CEP78: variants seen among roughly 807,000 people sequenced by gnomAD.
CEP78 encodes centrosomal protein of 78 kDa.
Under a neutral mutation model 81.2 loss-of-function variants are expected in CEP78, and 76 were observed. That is an observed-to-expected ratio of 0.94 (90% CI 0.78 to 1.13). The LOEUF (loss-of-function observed/expected upper bound fraction) is 1.13, where lower values mean the gene tolerates loss of function less well. CEP78 is among the 50% of genes most tolerant of loss of function. CEP78 has a pLI of 0.00. For missense variants in CEP78, 918 were observed against 846.8 expected (o/e 1.08, Z -1.04); for synonymous variants, 293 against 301.4 (o/e 0.97, Z 0.29).
rs968057318 is a variant in CEP78 at position 78,275,281 on chromosome 9, G to A, written c.*4430G>A. ...AATGTAAATAAACGAAACATCTTAG[G>A]AGAAATTGAAAAAATAGGACAAGAA... is the stretch of plus-strand genomic sequence containing the variant. On this transcript the variant is annotated 3_prime_UTR_variant, in exon 17 of 17. Transcript: ENST00000643273. The A allele has an allele frequency of 6.6e-5, 10 of 152,042 alleles. No homozygotes were observed. The highest frequency in any genetic ancestry group is 1.5e-4 in the Non-Finnish European group (10 of 68,016). 9.4% of individuals were successfully genotyped at this position (152,042 alleles called of 1,614,324 possible).
At position 78,243,605 on chromosome 9, in the gene CEP78, A is replaced by G. The variant is rs961163712; in HGVS notation, c.747A>G (p.Ala249=). The stretch of plus-strand genomic sequence containing the variant: ...GTGACCTAGGTGCATGTGCTTTTGC[A>G]GACTCTCTCAGTGAGGATTTATGGC... ...LIGDLGACAF[A]DSLSEDLWLR... is the part of the protein sequence containing the mutation. Residue 249 remains alanine, a synonymous_variant, in exon 5 of 17, where the codon GCA becomes GCG. Coordinates refer to ENST00000643273, the MANE Select transcript of CEP78 (RefSeq NM_001330691.3). 4.3e-6 allele frequency: 7 copies of G among 1,613,662 alleles called. No individual in the cohort carries two copies. The highest frequency in any genetic ancestry group is 5.9e-6 in the Non-Finnish European group (7 of 1,179,808).
rs138332804 is a variant in CEP78 at position 78,241,170 on chromosome 9, C to T, written c.500-526C>T. ...CGTTGGGATCCTGAAGTCTTGTGTT[C>T]GTTGTGTGAAATAGTGGTCTGGAGG... On this transcript the variant is annotated intron_variant, in intron 3 of 16. Transcript: ENST00000643273. Among the ~76,000 whole-genome samples, 47 of 152,056 alleles carry T rather than the reference C, an allele frequency of 3.1e-4. No homozygotes were observed. The South Asian group carries it at 3.5e-3, about 11-fold the overall frequency.
Position 78,271,070 on chromosome 9 carries a change from A to G in CEP78, c.*219A>G, listed in dbSNP as rs1827679092. On this transcript the variant is annotated 3_prime_UTR_variant, in exon 17 of 17. Coordinates refer to ENST00000643273, the MANE Select transcript of CEP78 (RefSeq NM_001330691.3). ...TCTGAAGTGGGAGCTCTGACCCAAG[A>G]AATGCTGGGATCGGAGAATAAGGGA... The G allele has an allele frequency of 1.1e-5, 5 of 462,230 alleles. No individual in the cohort carries two copies. The East Asian group carries it at 1.5e-4, about 13-fold the overall frequency. 28.6% of individuals were successfully genotyped at this position (462,230 alleles called of 1,614,324 possible). A position where few individuals can be genotyped will look rare whatever the true frequency, so the allele number is the denominator to read the frequency against.
chr9:78,253,140 A>G lies in CEP78; in HGVS notation c.1206-92A>G, dbSNP rs989975187. The G allele has an allele frequency of 5.3e-5, 37 of 702,652 alleles. No homozygotes were observed. The East Asian group carries it at 9.2e-4, about 17-fold the overall frequency. 43.5% of individuals were successfully genotyped at this position (702,652 alleles called of 1,614,324 possible). A position where few individuals can be genotyped will look rare whatever the true frequency, so the allele number is the denominator to read the frequency against. On this transcript the variant is annotated intron_variant, in intron 9 of 16. Coordinates refer to ENST00000643273, the MANE Select transcript of CEP78 (RefSeq NM_001330691.3). ...TCTCTATGCACAGTTATGTATGGAT[A>G]GTATACATAATACTAGCAAGTGTTA...
intron 13 of CEP78, among the ~76,000 whole-genome samples, chr9:78,264,864 T>A (rs916628905): frequency 4.6e-5 from 7 of 152,194 alleles, no homozygotes; most frequent in African/African-American, 1.7e-4. Context: ...GATATAGATA[T>A]GGATCAGTGG....
In CEP78 at chr9:78,262,848, G is replaced by C. The variant is rs1354983816; in HGVS notation, c.1381-59G>C. The C allele has an allele frequency of 6.6e-6, 7 of 1,053,204 alleles. No homozygotes were observed. The East Asian group carries it at 1.6e-4, about 24-fold the overall frequency. The allele number at this position is 1,053,204 out of a possible 1,614,324, so 65.2% of individuals were successfully genotyped here. On this transcript the variant is annotated intron_variant, in intron 11 of 16. Transcript: ENST00000643273. ...CACTTGGTGAGCTCAACAGCTGGAA[G>C]AGTTTTGGGGATCATATTGGGAATT...
intron 5 of CEP78, among the ~76,000 whole-genome samples, chr9:78,244,816 T>A (rs534027027): frequency 6.6e-6 from 1 of 152,236 alleles, no homozygotes; most frequent in East Asian, 1.9e-4. Context: ...TTCATTGTTA[T>A]AAACAGTACT....
rs971412368 is a variant in CEP78, at chr9:78,278,071, A to G, written c.*7220A>G. The G allele has an allele frequency of 2.6e-4, 40 of 152,152 alleles. No homozygotes were observed. Among genetic ancestry groups the G allele is most frequent in the African/African-American group, 9.4e-4 (39 of 41,426 alleles). 9.4% of individuals were successfully genotyped at this position (152,152 alleles called of 1,614,324 possible). Reference sequence around the variant, plus strand: ...AGTCTGTGATAACACATATCAAGCTATTGACAGCGGTTTTGTCTGCTGAAG... The same window carrying G: ...AGTCTGTGATAACACATATCAAGCTGTTGACAGCGGTTTTGTCTGCTGAAG... On this transcript the variant is annotated 3_prime_UTR_variant, in exon 17 of 17. Transcript: ENST00000643273.
chr9:78,244,522 C>G (rs1442232057), intron 5 of CEP78, among the ~76,000 whole-genome samples: 1 of 152,210 alleles, frequency 6.6e-6, no homozygotes, highest in African/African-American at 2.4e-5. Context: ...AATTGCCTTT[C>G]AGAAATGCTG....
rs995009453 is a variant in CEP78 at position 78,250,161 on chromosome 9, T to A, written c.1069+1288T>A. ...TTTTTTCTTAGCATGATTAAAGAAATTGGAAATGTGACTGAAGTTTACAAG... is the reference window on the plus strand; with the variant it reads ...TTTTTTCTTAGCATGATTAAAGAAAATGGAAATGTGACTGAAGTTTACAAG... On this transcript the variant is annotated intron_variant, in intron 8 of 16. Transcript: ENST00000643273. 4 of 397,570 alleles carry A rather than the reference T, an allele frequency of 1.0e-5. No homozygotes were observed. The South Asian group carries it at 3.8e-4, about 38-fold the overall frequency. The allele number at this position is 397,570 out of a possible 1,614,324, so 24.6% of individuals were successfully genotyped here.
At chr9:78,265,142 T>C (rs571654477) in intron 13 of CEP78, among the ~76,000 whole-genome samples, 1 of 152,102 alleles carries the variant, frequency 6.6e-6, no homozygotes, top group Non-Finnish European at 1.5e-5. Context: ...TAATACATTG[T>C]TGGGGGAAGA....
Position 78,246,798 on chromosome 9 carries a change from A to G in CEP78, c.892+16A>G, listed in dbSNP as rs767330368. On this transcript the variant is annotated intron_variant, in intron 6 of 16. Transcript: ENST00000643273. ...CCACTCATTGGTATGTCGCTACAAT[A>G]TTTTTTATTGACTAACAAATAGCAA... The G allele has an allele frequency of 5.0e-6, 7 of 1,386,954 alleles. No homozygotes were observed. The highest frequency in any genetic ancestry group is 7.0e-6 in the Non-Finnish European group (7 of 999,362). The allele number at this position is 1,386,954 out of a possible 1,614,324, so 85.9% of individuals were successfully genotyped here. A position where few individuals can be genotyped will look rare whatever the true frequency, so the allele number is the denominator to read the frequency against.
At position 78,277,638 on chromosome 9, in the gene CEP78, A is replaced by T. The variant is rs1192635550; in HGVS notation, c.*6787A>T. On this transcript the variant is annotated 3_prime_UTR_variant, in exon 17 of 17. Coordinates refer to ENST00000643273, the MANE Select transcript of CEP78 (RefSeq NM_001330691.3). ...GTATTCTCAGTCATTGTAGAAATTG[A>T]TACAGCTTTTGGATGGACAGTTTGA... is the stretch of plus-strand genomic sequence containing the variant. The T allele has an allele frequency of 6.6e-6, 1 of 152,184 alleles. No homozygotes were observed. Among genetic ancestry groups the T allele is most frequent in the East Asian group, 1.9e-4 (1 of 5,198 alleles). The allele number at this position is 152,184 out of a possible 1,614,324, so 9.4% of individuals were successfully genotyped here. A position where few individuals can be genotyped will look rare whatever the true frequency, so the allele number is the denominator to read the frequency against.
chr9:78,269,939 G>A (rs1827654960), intron 16 of CEP78, among the ~76,000 whole-genome samples: 1 of 152,198 alleles, frequency 6.6e-6, no homozygotes, highest in African/African-American at 2.4e-5. Flanking sequence ...AAGACTAAAA[G>A]AAACAGATCT....
chr9:78,253,448 A>G (rs1826861892), intron 10 of CEP78, 171 bp downstream of exon 10: 1 of 545,250 alleles, frequency 1.8e-6, no homozygotes, highest in Non-Finnish European at 3.3e-6. Flanking sequence ...GCGTGTGGAT[A>G]TGTCACACAA....
Position 78,266,379 on chromosome 9 carries a change from A to T in CEP78, c.1846-63A>T. 8 of 1,253,770 alleles carry T rather than the reference A, an allele frequency of 6.4e-6. No homozygotes were observed. The South Asian group carries it at 9.8e-5, about 15-fold the overall frequency. 77.7% of individuals were successfully genotyped at this position (1,253,770 alleles called of 1,614,324 possible). ...ATCACAGAATAACATTGACGTTTTG[A>T]ACTCGATTTTTAAATGGATGGCTTT... On this transcript the variant is annotated intron_variant, in intron 15 of 16. Coordinates refer to ENST00000643273, the MANE Select transcript of CEP78 (RefSeq NM_001330691.3).
intron 8 of CEP78, chr9:78,250,166 A>C: frequency 2.5e-6 from 1 of 397,836 alleles, no homozygotes; most frequent in Non-Finnish European, 4.4e-6. Flanking sequence ...AGAAATTGGA[A>C]ATGTGACTGA....
chr9:78,256,104 T>C (rs1827008837), intron 11 of CEP78, among the ~76,000 whole-genome samples: 1 of 152,176 alleles, frequency 6.6e-6, no homozygotes, highest in African/African-American at 2.4e-5. Context: ...ATTTTTGAAA[T>C]AGAGATGACA....
intron 3 of CEP78, among the ~76,000 whole-genome samples, 169 bp downstream of exon 3, chr9:78,240,533 T>A (rs1826177476): frequency 6.6e-6 from 1 of 152,268 alleles, no homozygotes; most frequent in Non-Finnish European, 1.5e-5. Context: ...CTGAATGTAA[T>A]CTGAACTAAC....
Sources: allele counts gnomAD v4.1 joint callset (sites outside exome capture counted in the v4.1 genomes callset), GRCh38; gene constraint gnomAD v4.1.1; transcripts MANE v1.5; gene names NCBI Gene and HGNC (gene_info 2026-07-23, HGNC 2026-07-21).